SLC30A8: variants seen among roughly 807,000 people sequenced by gnomAD.
The protein encoded by SLC30A8 is proton-coupled zinc antiporter SLC30A8.
A neutral mutation model predicts 36.9 loss-of-function variants in SLC30A8; 27 were observed. That is an observed-to-expected ratio of 0.73 (90% CI 0.54 to 1.01). The LOEUF is 1.01. Ranked by LOEUF, SLC30A8 falls within the 50% of genes least tolerant of loss-of-function variation. The probability of loss-of-function intolerance (pLI) is 0.00; values close to 1 mark genes in which losing one functional copy is unlikely to be tolerated. For synonymous variants in SLC30A8, 164 were observed against 172.4 expected (o/e 0.95, Z 0.38); for missense variants, 439 against 452.0 (o/e 0.97, Z 0.26).
chr8:117,110,889 C>G (rs1820198857), intron 2 of SLC30A8, among the ~76,000 whole-genome samples: 2 of 152,104 alleles, frequency 1.3e-5, no homozygotes, highest in African/African-American at 4.8e-5. Flanking sequence ...AGGAGGACAC[C>G]AAGGTTAGAG....
intron 2 of SLC30A8, among the ~76,000 whole-genome samples, chr8:117,101,954 A>C (rs554725677): frequency 6.6e-6 from 1 of 152,082 alleles, no homozygotes; most frequent in Non-Finnish European, 1.5e-5. Flanking sequence ...TCTATCCATT[A>C]GTTCTGTCCC....
chr8:117,039,054 T>A (rs1007573565), intron 1 of SLC30A8, among the ~76,000 whole-genome samples: 10 of 152,216 alleles, frequency 6.6e-5, no homozygotes, highest in African/African-American at 2.4e-4. Flanking sequence ...GACTCTCATT[T>A]CTGACCTGGA....
At chr8:116,997,987 G>A (rs992642339) in intron 1 of SLC30A8, among the ~76,000 whole-genome samples, 1 of 152,174 alleles carries the variant, frequency 6.6e-6, no homozygotes, top group African/African-American at 2.4e-5. Context: ...CTCTTCTTCT[G>A]TGTCTGTGGA....
intron 2 of SLC30A8, among the ~76,000 whole-genome samples, chr8:117,059,997 A>C (rs116664077): frequency 9.7e-4 from 147 of 152,118 alleles, no homozygotes; most frequent in African/African-American, 3.3e-3. Flanking sequence ...GAAGCAACTG[A>C]CTGGATGTGG....
intron 5 of SLC30A8, among the ~76,000 whole-genome samples, chr8:117,163,193 G>A (rs536129854): frequency 6.6e-6 from 1 of 152,260 alleles, no homozygotes; most frequent in East Asian, 1.9e-4. Flanking sequence ...TTAAATTATG[G>A]GGAGAGCATG....
At chr8:117,097,160 G>A (rs1453334161) in intron 2 of SLC30A8, among the ~76,000 whole-genome samples, 1 of 151,504 alleles carries the variant, frequency 6.6e-6, no homozygotes, top group Non-Finnish European at 1.5e-5. Context: ...AGCACTTTGG[G>A]AGGCCGAGGT....
chr8:117,051,851 T>C (rs550214144), intron 2 of SLC30A8, among the ~76,000 whole-genome samples: 103 of 152,076 alleles, frequency 6.8e-4, no homozygotes, highest in African/African-American at 2.4e-3. Flanking sequence ...AAACCGAGCC[T>C]GGCACCTCCT....
chr8:116,970,408 A>G (rs1030206327), intron 1 of SLC30A8, among the ~76,000 whole-genome samples: 2 of 152,252 alleles, frequency 1.3e-5, no homozygotes, highest in East Asian at 1.9e-4. Flanking sequence ...CTTAAGTGAC[A>G]ATAAAAGTAT....
intron 2 of SLC30A8, among the ~76,000 whole-genome samples, chr8:117,067,353 TC>T (rs1818201338): frequency 6.6e-6 from 1 of 151,836 alleles, no homozygotes; most frequent in South Asian, 2.1e-4. Flanking sequence ...CTGTTCTTTT[TC>T]GTTTTTTTTT....
At chr8:116,977,206 T>C (rs1434127169) in intron 1 of SLC30A8, among the ~76,000 whole-genome samples, 1 of 125,920 alleles carries the variant, frequency 7.9e-6, no homozygotes, top group Non-Finnish European at 1.6e-5. Context: ...TGGAGTGCAG[T>C]GGCACGATTT....
intron 2 of SLC30A8, among the ~76,000 whole-genome samples, chr8:117,073,597 T>A (rs886107439): frequency 6.6e-6 from 1 of 152,228 alleles, no homozygotes; most frequent in Non-Finnish European, 1.5e-5. Flanking sequence ...TCTTGCTTTT[T>A]GACTTAAAAT....
chr8:117,125,228 G>A (rs1438293234), intron 2 of SLC30A8, among the ~76,000 whole-genome samples: 2 of 151,972 alleles, frequency 1.3e-5, no homozygotes, highest in Non-Finnish European at 2.9e-5. Flanking sequence ...CTTGAATCTA[G>A]TCTCCAAATT....
At chr8:117,054,822 C>G (rs1817820817) in intron 2 of SLC30A8, among the ~76,000 whole-genome samples, 1 of 152,110 alleles carries the variant, frequency 6.6e-6, no homozygotes, top group Non-Finnish European at 1.5e-5. Flanking sequence ...CCATGAGCTA[C>G]CAAAGTCTCA....
intron 2 of SLC30A8, among the ~76,000 whole-genome samples, chr8:117,115,498 A>G (rs1242855981): frequency 6.6e-6 from 1 of 152,056 alleles, no homozygotes; most frequent in African/African-American, 2.4e-5. Flanking sequence ...TAGCAGCAGT[A>G]GGTATTCTCT....
intron 5 of SLC30A8, 86 bp downstream of exon 5, chr8:117,161,974 T>C (rs1822815241): frequency 1.6e-6 from 2 of 1,231,830 alleles, no homozygotes; most frequent in East Asian, 4.9e-5. Flanking sequence ...TTAAAGAGAA[T>C]GGGCATCCTC....
rs577604147 is a variant in SLC30A8, at chr8:116,952,746, C to T, written c.-266+1627C>T. ...TGCTAGGATGACAGGCATGAGCCACCGGGCCTGGCCACTTCCAATTCTTTT... is the reference window on the plus strand; with the variant it reads ...TGCTAGGATGACAGGCATGAGCCACTGGGCCTGGCCACTTCCAATTCTTTT... On this transcript the variant is annotated intron_variant, in intron 1 of 10. Transcript: ENST00000427715. Among the ~76,000 whole-genome samples the T allele has an allele frequency of 2.0e-3, 301 of 152,286 alleles. 4 individuals are homozygous for T. Among genetic ancestry groups the T allele is most frequent in the African/African-American group, 6.7e-3 (280 of 41,536 alleles).
At chr8:117,006,152 C>T (rs1488190225) in intron 1 of SLC30A8, among the ~76,000 whole-genome samples, 1 of 152,216 alleles carries the variant, frequency 6.6e-6, no homozygotes, top group Admixed American at 6.5e-5. Context: ...CTCTCAGGAA[C>T]TCTAAGCGAA....
chr8:117,155,700 C>G (rs1822446182), intron 3 of SLC30A8, among the ~76,000 whole-genome samples: 1 of 152,146 alleles, frequency 6.6e-6, no homozygotes, highest in Admixed American at 6.5e-5. Context: ...GTTTAAACAA[C>G]AGACATTTAT....
At chr8:117,168,419 A>G (rs1416550574) in intron 6 of SLC30A8, among the ~76,000 whole-genome samples, 6 of 152,130 alleles carry the variant, frequency 3.9e-5, no homozygotes, top group Non-Finnish European at 8.8e-5. Flanking sequence ...TGGTTTTTCA[A>G]ATACATTTAT....
Sources: allele counts gnomAD v4.1 joint callset (sites outside exome capture counted in the v4.1 genomes callset), GRCh38; gene constraint gnomAD v4.1.1; transcripts MANE v1.5; gene names NCBI Gene and HGNC (gene_info 2026-07-23, HGNC 2026-07-21).